Variants in CDH4 observed in about 807,000 individuals in gnomAD.
CDH4 encodes the protein cadherin-4.
In CDH4, 33 loss-of-function variants were observed where a neutral mutation model predicts 86.0. That is an observed-to-expected ratio of 0.38 (90% CI 0.29 to 0.51). The LOEUF is 0.51. CDH4 is among the 20% of genes least tolerant of loss of function. The pLI, the probability that CDH4 is intolerant of heterozygous loss-of-function variation, is 0.86. For synonymous variants in CDH4, 555 were observed against 549.4 expected, an observed-to-expected ratio of 1.01 and a Z score of -0.14; for missense variants, 1,114 against 1,307.4, an observed-to-expected ratio of 0.85 and a Z score of 2.28.
chr20:61,362,989 G>C (rs1279941542), intron 2 of CDH4, among the ~76,000 whole-genome samples: 2 of 152,168 alleles, frequency 1.3e-5, no homozygotes, highest in Non-Finnish European at 2.9e-5. Flanking sequence ...CATGTGAACT[G>C]TGTGTCCTGG....
At chr20:61,635,854 T>A (rs61275502) in intron 2 of CDH4, among the ~76,000 whole-genome samples, 1 of 152,126 alleles carries the variant, frequency 6.6e-6, no homozygotes, top group Non-Finnish European at 1.5e-5. Context: ...TAGTTGGTCC[T>A]GCTAGACTCC....
In CDH4 at chr20:61,591,291, A is replaced by G. The variant is rs888156675; in HGVS notation, c.170-152272A>G. On this transcript the variant is annotated intron_variant, in intron 2 of 15. Transcript: ENST00000614565. ...AGTAGTGATTAATTTGTTTTAAACT[A>G]TCAGCAATAAGCCTATTCCATGTTA... is the stretch of plus-strand genomic sequence containing the variant. Among the ~76,000 whole-genome samples, 54 of 152,386 alleles carry G rather than the reference A, an allele frequency of 3.5e-4. 1 individual carries two copies. Among genetic ancestry groups the G allele is most frequent in the African/African-American group, 1.1e-3 (47 of 41,584 alleles).
chr20:61,731,943 C>T (rs559207830), intron 2 of CDH4, among the ~76,000 whole-genome samples: 1 of 152,074 alleles, frequency 6.6e-6, no homozygotes, highest in African/African-American at 2.4e-5. Context: ...GGTCCCCCTA[C>T]CCACCCACTC....
intron 2 of CDH4, among the ~76,000 whole-genome samples, chr20:61,407,193 G>T (rs1245896006): frequency 2.6e-5 from 4 of 152,254 alleles, no homozygotes; most frequent in African/African-American, 4.8e-5. Flanking sequence ...TCCTGCAACA[G>T]TTAGCTGCCA....
intron 2 of CDH4, among the ~76,000 whole-genome samples, chr20:61,309,168 A>T (rs967446854): frequency 2.0e-5 from 3 of 152,154 alleles, no homozygotes; most frequent in African/African-American, 7.2e-5. Context: ...TGCCCAGGAG[A>T]TCCTCTCATC....
At chr20:61,373,741 C>T (rs966832842) in intron 2 of CDH4, among the ~76,000 whole-genome samples, 1 of 152,130 alleles carries the variant, frequency 6.6e-6, no homozygotes. Flanking sequence ...TGTGCCTTCC[C>T]CTCTGGGTGC....
chr20:61,800,173 C>T lies in CDH4; in HGVS notation c.576+26991C>T, dbSNP rs114331435. On this transcript the variant is annotated intron_variant, in intron 4 of 15. Transcript: ENST00000614565. ...TCTTCTTTGTGTGCAAGCAAGCGAGCGGCCTGCAGCCCCAAGGGCCCTTTG... is the reference window on the plus strand; with the variant it reads ...TCTTCTTTGTGTGCAAGCAAGCGAGTGGCCTGCAGCCCCAAGGGCCCTTTG... 6.8e-3 allele frequency among the ~76,000 whole-genome samples: 1,035 copies of T among 152,298 alleles called. 15 individuals are homozygous for T. The highest frequency in any genetic ancestry group is 0.024 in the African/African-American group (979 of 41,556).
rs1287654295 is a variant in CDH4 at position 61,532,424 on chromosome 20, G to A, written c.170-211139G>A. 2.0e-5 allele frequency among the ~76,000 whole-genome samples: 3 copies of A among 152,204 alleles called. No homozygotes were observed. The South Asian group carries it at 6.2e-4, about 32-fold the overall frequency. On this transcript the variant is annotated intron_variant, in intron 2 of 15. Coordinates refer to ENST00000614565, the MANE Select transcript of CDH4 (RefSeq NM_001794.5). ...GCCCCGTATGAAAATGAACCTCTTCGGTTTCAGAACTCAGAGACCCTGAAA... is the reference window on the plus strand; with the variant it reads ...GCCCCGTATGAAAATGAACCTCTTCAGTTTCAGAACTCAGAGACCCTGAAA...
At chr20:61,657,113 G>T (rs6061702) in intron 2 of CDH4, among the ~76,000 whole-genome samples, 1 of 151,988 alleles carries the variant, frequency 6.6e-6, no homozygotes, top group Non-Finnish European at 1.5e-5. Context: ...CCAAACGCAC[G>T]CTCAGTCCTT....
chr20:61,764,529 A>C (rs2088675728), intron 3 of CDH4, among the ~76,000 whole-genome samples: 1 of 152,070 alleles, frequency 6.6e-6, no homozygotes, highest in Non-Finnish European at 1.5e-5. Context: ...GAGACCACCC[A>C]GACCCCTCGA....
Position 61,772,958 on chromosome 20 carries a change from C to T in CDH4, c.397-45C>T, listed in dbSNP as rs1470761510. On this transcript the variant is annotated intron_variant, in intron 3 of 15. Coordinates refer to ENST00000614565, the MANE Select transcript of CDH4 (RefSeq NM_001794.5). ...AGATGCCATTTTCCTCTGTGCAAAACCTAACTGGACTTCTCTGCCTCTTCT... is the reference window on the plus strand; with the variant it reads ...AGATGCCATTTTCCTCTGTGCAAAATCTAACTGGACTTCTCTGCCTCTTCT... 7.0e-6 allele frequency: 11 copies of T among 1,562,420 alleles called. No individual in the cohort carries two copies. In the Admixed American group the frequency reaches 1.1e-4, roughly 15 times the overall value.
In CDH4 at chr20:61,684,590, G is replaced by A. The variant is rs1035574573; in HGVS notation, c.170-58973G>A. On this transcript the variant is annotated intron_variant, in intron 2 of 15. Coordinates refer to ENST00000614565, the MANE Select transcript of CDH4 (RefSeq NM_001794.5). This position sits in a 1 kb window ranked among gnomAD's most constrained non-coding sequence, Gnocchi z 4.5. Reference sequence around the variant, plus strand: ...AATCCTGGGCTCCGTCCTGGGGGCTGAAAGGCTCCTGGGGGTTCAGTCTCT... The same window carrying A: ...AATCCTGGGCTCCGTCCTGGGGGCTAAAAGGCTCCTGGGGGTTCAGTCTCT... Among the ~76,000 whole-genome samples the A allele has an allele frequency of 2.0e-5, 3 of 152,210 alleles. No homozygotes were observed. Among genetic ancestry groups the A allele is most frequent in the Non-Finnish European group, 4.4e-5 (3 of 68,048 alleles).
intron 2 of CDH4, among the ~76,000 whole-genome samples, chr20:61,405,061 C>T (rs1326180616): frequency 1.3e-5 from 2 of 152,080 alleles, no homozygotes; most frequent in Non-Finnish European, 2.9e-5. Context: ...AAAGAAAAAG[C>T]TCCCTTATTT....
At chr20:61,334,226 A>G (rs1408428452) in intron 2 of CDH4, among the ~76,000 whole-genome samples, 2 of 151,618 alleles carry the variant, frequency 1.3e-5, no homozygotes, top group Non-Finnish European at 2.9e-5. Flanking sequence ...TCATTATAAA[A>G]CCTCATCTGA....
At chr20:61,751,146 C>G (rs1276472796) in intron 3 of CDH4, among the ~76,000 whole-genome samples, 1 of 152,076 alleles carries the variant, frequency 6.6e-6, no homozygotes, top group Non-Finnish European at 1.5e-5. Context: ...ATGGAAAGGG[C>G]GAAGGTAGCC....
intron 2 of CDH4, among the ~76,000 whole-genome samples, chr20:61,420,236 C>G (rs1297648043): frequency 6.6e-6 from 1 of 152,250 alleles, no homozygotes; most frequent in Non-Finnish European, 1.5e-5. Context: ...GCTCCTCCTG[C>G]TGTGCGGGGA....
At chr20:61,906,797 G>A (rs968454457) in intron 8 of CDH4, among the ~76,000 whole-genome samples, 2 of 151,878 alleles carry the variant, frequency 1.3e-5, no homozygotes, top group Non-Finnish European at 2.9e-5. Flanking sequence ...CAGAGGGAAT[G>A]GCCCGGGGTC....
chr20:61,299,753 C>T (rs1003225577), intron 2 of CDH4, among the ~76,000 whole-genome samples: 1 of 152,174 alleles, frequency 6.6e-6, no homozygotes, highest in East Asian at 1.9e-4. Context: ...TTTCACACTG[C>T]TCTGCTGTAA....
intron 4 of CDH4, among the ~76,000 whole-genome samples, chr20:61,812,698 T>G (rs936656623): frequency 6.6e-6 from 1 of 152,258 alleles, no homozygotes; most frequent in Non-Finnish European, 1.5e-5. Flanking sequence ...GCCAACGCCC[T>G]TTGGGGATAA....
Sources: gnomAD v4.1 joint callset for allele counts (sites outside exome capture counted in the v4.1 genomes callset) on GRCh38, gnomAD v4.1.1 for gene constraint, Gnocchi (gnomAD v3.1) non-coding constraint, MANE v1.5 for transcripts, NCBI Gene and HGNC (gene_info 2026-07-23, HGNC 2026-07-21) for gene names.